ANO3: variants seen among roughly 807,000 people sequenced by gnomAD.
ANO3 encodes the protein anoctamin 3.
In ANO3, 99 loss-of-function variants were observed where a neutral mutation model predicts 144.8. That is an observed-to-expected ratio of 0.68 (90% CI 0.58 to 0.81). The LOEUF (loss-of-function observed/expected upper bound fraction) is 0.81. Among genes scored for constraint, ANO3 ranks in the 30% least tolerant of loss-of-function variants. The pLI is 0.00. For missense variants in ANO3, 905 were observed against 1,202.2 expected (o/e 0.75, Z 3.66); for synonymous variants, 414 against 392.6 (o/e 1.05, Z -0.64).
At chr11:26,189,516 G>T (rs1229490280) in intron 1 of ANO3, among the ~76,000 whole-genome samples, 1 of 152,098 alleles carries the variant, frequency 6.6e-6, no homozygotes, top group Non-Finnish European at 1.5e-5. Flanking sequence ...AAAATAGAGG[G>T]CTGAAGTTTT....
chr11:26,454,028 C>T lies in ANO3; in HGVS notation c.314-9002C>T, dbSNP rs567949763. 4.3e-3 allele frequency among the ~76,000 whole-genome samples: 654 copies of T among 152,054 alleles called. 7 individuals carry two copies. Among genetic ancestry groups the T allele is most frequent in the African/African-American group, 0.014 (599 of 41,464 alleles). ...AAATAAAGATGTTCTTTGAAACCAA[C>T]GAGAACAAAGACACAACATACCAGA... On this transcript the variant is annotated intron_variant, in intron 3 of 26. Transcript: ENST00000256737.
intron 1 of ANO3, among the ~76,000 whole-genome samples, chr11:26,319,249 T>G (rs1854701981): frequency 6.6e-6 from 1 of 152,044 alleles, no homozygotes; most frequent in South Asian, 2.1e-4. Flanking sequence ...TCCTCCCACC[T>G]CGGCCTCCCA....
chr11:26,464,025 C>T (rs1859510851), intron 4 of ANO3, among the ~76,000 whole-genome samples: 1 of 151,644 alleles, frequency 6.6e-6, no homozygotes, highest in African/African-American at 2.4e-5. Flanking sequence ...GGCTAATAAT[C>T]ACATTCTTGA....
At chr11:26,611,680 A>T (rs1852103128) in intron 17 of ANO3, among the ~76,000 whole-genome samples, 2 of 152,128 alleles carry the variant, frequency 1.3e-5, no homozygotes, top group Non-Finnish European at 2.9e-5. Flanking sequence ...TGTCTAGATT[A>T]TCTATCCACT....
chr11:26,205,842 G>C (rs114291353), intron 1 of ANO3, among the ~76,000 whole-genome samples: 1,874 of 152,206 alleles, frequency 0.012, 46 homozygotes, highest in African/African-American at 0.043. Flanking sequence ...GTCCTCTAAT[G>C]GTCTTTTTAT....
intron 1 of ANO3, among the ~76,000 whole-genome samples, chr11:26,211,184 G>T (rs1851924735): frequency 6.6e-6 from 1 of 152,080 alleles, no homozygotes; most frequent in African/African-American, 2.4e-5. Context: ...AATCAAAATA[G>T]AACTCAGGAT....
intron 26 of ANO3, among the ~76,000 whole-genome samples, chr11:26,656,789 T>C (rs1012380860): frequency 6.6e-6 from 1 of 152,174 alleles, no homozygotes; most frequent in African/African-American, 2.4e-5. Context: ...AAGGAAAGGA[T>C]GATTTTCATC....
At chr11:26,303,329 A>AG (rs1244437841) in intron 1 of ANO3, among the ~76,000 whole-genome samples, 1 of 152,190 alleles carries the variant, frequency 6.6e-6, no homozygotes, top group African/African-American at 2.4e-5. Flanking sequence ...TAAAAAAAAA[A>AG]TGTGGTATAT....
chr11:26,458,050 T>TA (rs1364069569), intron 3 of ANO3, among the ~76,000 whole-genome samples: 5 of 152,128 alleles, frequency 3.3e-5, no homozygotes, highest in African/African-American at 1.2e-4. Flanking sequence ...AAAGTCATCT[T>TA]AAAAATAGGA....
At chr11:26,223,999 C>A (rs1852204916) in intron 1 of ANO3, among the ~76,000 whole-genome samples, 1 of 152,142 alleles carries the variant, frequency 6.6e-6, no homozygotes, top group Admixed American at 6.5e-5. Flanking sequence ...AGACACACAC[C>A]TAAACTATAT....
At chr11:26,655,733 T>C (rs963566431) in intron 24 of ANO3, among the ~76,000 whole-genome samples, 1 of 152,168 alleles carries the variant, frequency 6.6e-6, no homozygotes, top group African/African-American at 2.4e-5. Context: ...ATATGTTTAA[T>C]AAGTTAAGTA....
At chr11:26,403,906 T>A (rs1409761679) in intron 1 of ANO3, among the ~76,000 whole-genome samples, 1 of 151,914 alleles carries the variant, frequency 6.6e-6, no homozygotes, top group Non-Finnish European at 1.5e-5. Flanking sequence ...ATTTGTGTGC[T>A]TTGCTTCCCA....
At chr11:26,212,656 A>G (rs1427640806) in intron 1 of ANO3, among the ~76,000 whole-genome samples, 4 of 151,964 alleles carry the variant, frequency 2.6e-5, no homozygotes, top group African/African-American at 9.7e-5. Flanking sequence ...CCTACCAACC[A>G]AAAAAAGCCC....
chr11:26,642,587 G>A (rs1853203405), intron 22 of ANO3, among the ~76,000 whole-genome samples: 2 of 151,986 alleles, frequency 1.3e-5, no homozygotes, highest in Admixed American at 1.3e-4. Flanking sequence ...CTGACCTCAG[G>A]TGATCTGCTC....
At chr11:26,555,210 T>C (rs1850050308) in intron 13 of ANO3, among the ~76,000 whole-genome samples, 1 of 152,230 alleles carries the variant, frequency 6.6e-6, no homozygotes, top group Non-Finnish European at 1.5e-5. Flanking sequence ...TTATCTTGTT[T>C]GGAGGCAGCA....
At chr11:26,537,490 T>A in intron 10 of ANO3, 29 bp downstream of exon 10, 1 of 1,581,040 alleles carries the variant, frequency 6.3e-7, no homozygotes, top group Non-Finnish European at 8.7e-7. Flanking sequence ...TTCCGCTTTA[T>A]AAACAAGGTT....
At chr11:26,359,681 C>T (rs1483187399) in intron 1 of ANO3, among the ~76,000 whole-genome samples, 1 of 152,100 alleles carries the variant, frequency 6.6e-6, no homozygotes, top group Non-Finnish European at 1.5e-5. Flanking sequence ...GATTTCCTCT[C>T]AGTGCACAAT....
chr11:26,217,656 T>G (rs1403174345), intron 1 of ANO3, among the ~76,000 whole-genome samples: 1 of 152,048 alleles, frequency 6.6e-6, no homozygotes, highest in Admixed American at 6.6e-5. Flanking sequence ...TGTTATGTGC[T>G]TTGGAAAAAG....
At chr11:26,294,829 T>A (rs1015766992) in intron 1 of ANO3, among the ~76,000 whole-genome samples, 7 of 152,238 alleles carry the variant, frequency 4.6e-5, no homozygotes, top group African/African-American at 1.7e-4. Flanking sequence ...GCAATGAATG[T>A]AGATGTCACC....
Sources: gnomAD v4.1 joint callset for allele counts (sites outside exome capture counted in the v4.1 genomes callset) on GRCh38, gnomAD v4.1.1 for gene constraint, MANE v1.5 for transcripts, NCBI Gene and HGNC (gene_info 2026-07-23, HGNC 2026-07-21) for gene names.